Variants in NEGR1 observed in about 807,000 individuals in gnomAD.
NEGR1 encodes IgLON family member 4.
In NEGR1, 10 loss-of-function variants were observed where a neutral mutation model predicts 40.9. That is an observed-to-expected ratio of 0.24 (90% CI 0.15 to 0.42). The LOEUF (loss-of-function observed/expected upper bound fraction) is 0.42, where lower values mean the gene tolerates loss of function less well. Among genes scored for constraint, NEGR1 ranks in the 10% least tolerant of loss-of-function variants. The probability of loss-of-function intolerance (pLI) is 1.00; values close to 1 mark genes in which losing one functional copy is unlikely to be tolerated. For missense variants in NEGR1, 352 were observed against 438.9 expected (o/e 0.80, Z 1.77); for synonymous variants, 185 against 166.8 (o/e 1.11, Z -0.84).
At chr1:71,857,232 G>C (rs1389177951) in intron 2 of NEGR1, among the ~76,000 whole-genome samples, 1 of 151,724 alleles carries the variant, frequency 6.6e-6, no homozygotes, top group East Asian at 1.9e-4. Flanking sequence ...TCCTATGTTA[G>C]AACTCAAAAG....
chr1:71,547,945 G>A (rs1647955956), intron 6 of NEGR1, among the ~76,000 whole-genome samples: 1 of 151,692 alleles, frequency 6.6e-6, no homozygotes, highest in Admixed American at 6.6e-5. Flanking sequence ...TCAGTAGCCT[G>A]GAAGAAGGCT....
chr1:71,675,112 C>CATATATAAAT (rs1652574934), intron 4 of NEGR1, among the ~76,000 whole-genome samples: 1 of 45,172 alleles, frequency 2.2e-5, no homozygotes, highest in African/African-American at 5.1e-5. Context: ...CATGTTTATT[C>CATATATAAAT]ATATATATAT....
At chr1:72,081,967 T>A (rs1648017098) in intron 1 of NEGR1, among the ~76,000 whole-genome samples, 2 of 152,118 alleles carry the variant, frequency 1.3e-5, no homozygotes, top group South Asian at 4.1e-4. Context: ...AGAGAATATC[T>A]GAATTGGGAG....
intron 2 of NEGR1, among the ~76,000 whole-genome samples, chr1:71,857,324 C>A (rs1364756801): frequency 7.3e-5 from 11 of 151,666 alleles, no homozygotes; most frequent in Non-Finnish European, 1.5e-5. Flanking sequence ...AATCTGACCA[C>A]AAACAGGCCA....
At chr1:71,608,302 CATTG>C (rs1391228004) in intron 5 of NEGR1, among the ~76,000 whole-genome samples, 1 of 152,016 alleles carries the variant, frequency 6.6e-6, no homozygotes, top group Non-Finnish European at 1.5e-5. Flanking sequence ...TTGGGGAGGA[CATTG>C]ATTGGGGAAA....
chr1:72,200,937 C>T (rs913297015), intron 1 of NEGR1, among the ~76,000 whole-genome samples: 41 of 147,812 alleles, frequency 2.8e-4, no homozygotes, highest in African/African-American at 9.9e-4. Flanking sequence ...AAAGATGCAC[C>T]TTTATATATG....
intron 6 of NEGR1, among the ~76,000 whole-genome samples, chr1:71,473,079 G>A (rs1646792878): frequency 6.6e-6 from 1 of 151,938 alleles, no homozygotes; most frequent in Non-Finnish European, 1.5e-5. Flanking sequence ...TTTAGCACTT[G>A]TCTAAAAGAA....
chr1:71,505,522 C>T (rs1401489969), intron 6 of NEGR1, among the ~76,000 whole-genome samples: 1 of 152,086 alleles, frequency 6.6e-6, no homozygotes, highest in Admixed American at 6.5e-5. Flanking sequence ...ACCTCGTGAT[C>T]CACCAGCCTC....
At chr1:72,156,953 G>T (rs1173822092) in intron 1 of NEGR1, among the ~76,000 whole-genome samples, 1 of 106,734 alleles carries the variant, frequency 9.4e-6, no homozygotes, top group African/African-American at 2.9e-5. Flanking sequence ...TGTTGTTGTT[G>T]TTGTTGTTGT....
chr1:71,635,852 C>T (rs1651130032), intron 4 of NEGR1, among the ~76,000 whole-genome samples: 1 of 151,840 alleles, frequency 6.6e-6, no homozygotes, highest in Non-Finnish European at 1.5e-5. Context: ...ATATCGTGTC[C>T]TTACTTTTAA....
At chr1:72,015,457 T>A (rs1284131438) in intron 1 of NEGR1, among the ~76,000 whole-genome samples, 1 of 152,150 alleles carries the variant, frequency 6.6e-6, no homozygotes, top group Non-Finnish European at 1.5e-5. Context: ...AGTGAATCTT[T>A]AAGTTATGTA....
Position 71,571,515 on chromosome 1 carries a change from A to G in NEGR1, c.940+21302T>C, listed in dbSNP as rs183633257. Among the ~76,000 whole-genome samples the G allele has an allele frequency of 2.1e-3, 314 of 152,328 alleles. 3 individuals carry two copies. Among genetic ancestry groups the G allele is most frequent in the Admixed American group, 0.018 (273 of 15,304 alleles). ...AAAAAGTTTTCAAAATGTTGCTGGC[A>G]GCACTGGCTCATGCCTGTAATCCCA... On this transcript the variant is annotated intron_variant, in intron 6 of 6. Coordinates refer to ENST00000357731, the MANE Select transcript of NEGR1 (RefSeq NM_173808.3).
intron 1 of NEGR1, among the ~76,000 whole-genome samples, chr1:72,237,342 C>T (rs1234486816): frequency 2.0e-5 from 3 of 151,944 alleles, no homozygotes; most frequent in Admixed American, 6.6e-5. Context: ...GTCAATAATA[C>T]AAAACCTCAA....
rs374412036 is a variant in NEGR1, at chr1:72,098,285, G to GA, written c.177-162975dup. On this transcript the variant is annotated intron_variant, in intron 1 of 6. Coordinates refer to ENST00000357731, the MANE Select transcript of NEGR1 (RefSeq NM_173808.3). ...TCCACTTTAGGCTGAAGAATGACTG[G>GA]AAAAAAAAATTTAAAACGGAAACAA... Among the ~76,000 whole-genome samples the GA allele has an allele frequency of 3.0e-3, 455 of 151,272 alleles. 4 individuals carry two copies. The highest frequency in any genetic ancestry group is 0.011 in the African/African-American group (440 of 41,250).
chr1:71,976,548 A>G (rs942569303), intron 1 of NEGR1, among the ~76,000 whole-genome samples: 2 of 152,190 alleles, frequency 1.3e-5, no homozygotes, highest in African/African-American at 4.8e-5. Flanking sequence ...CGGCTATAGG[A>G]GCTGGCAGAA....
chr1:71,796,558 TTTTTGTTTTG>T (rs1036046310), intron 2 of NEGR1, among the ~76,000 whole-genome samples: 6 of 152,088 alleles, frequency 3.9e-5, no homozygotes, highest in African/African-American at 1.4e-4. Flanking sequence ...TGACCAAGGT[TTTTTGTTTTG>T]TTTTGTTTTG....
At chr1:71,999,099 G>A (rs1394650376) in intron 1 of NEGR1, among the ~76,000 whole-genome samples, 1 of 151,846 alleles carries the variant, frequency 6.6e-6, no homozygotes, top group East Asian at 1.9e-4. Flanking sequence ...TATGGTTTTA[G>A]GTTTGCCTCA....
intron 2 of NEGR1, among the ~76,000 whole-genome samples, chr1:71,847,226 T>C (rs1218765444): frequency 6.6e-6 from 1 of 152,188 alleles, no homozygotes. Flanking sequence ...CTGTTCAGAC[T>C]GTTTATTGAT....
intron 2 of NEGR1, among the ~76,000 whole-genome samples, chr1:71,894,749 A>G (rs764026362): frequency 9.3e-4 from 142 of 152,174 alleles, no homozygotes; most frequent in Non-Finnish European, 1.2e-3. Context: ...TTTTAAAAAA[A>G]GTGAGAGAGA....
Sources: gnomAD v4.1 joint callset for allele counts (sites outside exome capture counted in the v4.1 genomes callset) on GRCh38, gnomAD v4.1.1 for gene constraint, MANE v1.5 for transcripts, NCBI Gene and HGNC (gene_info 2026-07-23, HGNC 2026-07-21) for gene names.